Variants in FAT3 observed in about 807,000 individuals in gnomAD.
The protein encoded by FAT3 is protocadherin Fat 3.
Under a neutral mutation model 310.2 loss-of-function variants are expected in FAT3, and 95 were observed. The observed-to-expected ratio is 0.31, with a 90% CI of 0.26 to 0.36. The LOEUF is 0.36. Among genes scored for constraint, FAT3 ranks in the 10% least tolerant of loss-of-function variants. FAT3 has a pLI of 1.00. For missense variants in FAT3, 5,408 were observed against 5,715.6 expected, an observed-to-expected ratio of 0.95 and a Z score of 1.74; for synonymous variants, 2,314 against 2,192.9, an observed-to-expected ratio of 1.06 and a Z score of -1.54.
At chr11:92,594,133 G>A (rs780999611) in intron 3 of FAT3, among the ~76,000 whole-genome samples, 27 of 152,098 alleles carry the variant, frequency 1.8e-4, no homozygotes, top group Non-Finnish European at 3.2e-4. Context: ...ATCCTGTAAC[G>A]TACACTGCTG....
rs189894515 is a variant in FAT3 at position 92,514,840 on chromosome 11, A to G, written c.3293-9794A>G. Among the ~76,000 whole-genome samples, 22 of 152,316 alleles carry G rather than the reference A, an allele frequency of 1.4e-4. No homozygotes were observed. The East Asian group carries it at 3.7e-3, about 25-fold the overall frequency. ...TGTTCTGTTTTATTCTGAAATGTGA[A>G]TGGGAATATAGGTATAAATCGCTTT... is the stretch of plus-strand genomic sequence containing the variant. On this transcript the variant is annotated intron_variant, in intron 2 of 27. Transcript: ENST00000525166.
At chr11:92,451,130 C>G (rs570399538) in intron 2 of FAT3, among the ~76,000 whole-genome samples, 74 of 152,258 alleles carry the variant, frequency 4.9e-4, no homozygotes, top group South Asian at 3.1e-3. Flanking sequence ...AAGCACTTGA[C>G]TGAAAGCTGT....
chr11:92,365,861 T>C (rs1949006023), intron 2 of FAT3, among the ~76,000 whole-genome samples: 1 of 152,244 alleles, frequency 6.6e-6, no homozygotes, highest in African/African-American at 2.4e-5. Flanking sequence ...GATGACCACA[T>C]GTGGGGCTAT....
chr11:92,507,534 C>CACAT (rs754364255), intron 2 of FAT3, among the ~76,000 whole-genome samples: 1 of 151,512 alleles, frequency 6.6e-6, no homozygotes, highest in Admixed American at 6.6e-5. Context: ...TATATATACA[C>CACAT]ACATACATAT....
chr11:92,401,662 C>G (rs1950015339), intron 2 of FAT3, among the ~76,000 whole-genome samples: 1 of 152,170 alleles, frequency 6.6e-6, no homozygotes, highest in African/African-American at 2.4e-5. Flanking sequence ...TCCTCCCCTA[C>G]ACTCCACCAC....
chr11:92,597,233 A>G (rs143269843), intron 3 of FAT3, among the ~76,000 whole-genome samples: 369 of 152,336 alleles, frequency 2.4e-3, no homozygotes, highest in Admixed American at 4.1e-3. Context: ...CATCTTTTCA[A>G]AGTAAATGAG....
intron 1 of FAT3, among the ~76,000 whole-genome samples, chr11:92,260,755 T>C (rs749973289): frequency 3.3e-5 from 5 of 152,124 alleles, no homozygotes; most frequent in Admixed American, 2.0e-4. Flanking sequence ...TCTTAGGTTG[T>C]ACCTGAGGGG....
intron 12 of FAT3, among the ~76,000 whole-genome samples, chr11:92,808,753 G>A (rs1317924076): frequency 6.6e-6 from 1 of 151,890 alleles, no homozygotes; most frequent in Non-Finnish European, 1.5e-5. Context: ...GTGAAACCCC[G>A]TCTCCACTAA....
chr11:92,660,493 C>G (rs556172894), intron 3 of FAT3, among the ~76,000 whole-genome samples: 1 of 152,220 alleles, frequency 6.6e-6, no homozygotes, highest in East Asian at 1.9e-4. Flanking sequence ...AGAGGTGTGT[C>G]TGCTGAGATG....
At chr11:92,854,838 A>G (rs970883086) in intron 19 of FAT3, among the ~76,000 whole-genome samples, 4 of 152,234 alleles carry the variant, frequency 2.6e-5, no homozygotes, top group African/African-American at 9.7e-5. Context: ...TGTAATATCT[A>G]TAGCTGTATC....
At chr11:92,695,341 G>C (rs146848007) in intron 3 of FAT3, among the ~76,000 whole-genome samples, 2 of 152,024 alleles carry the variant, frequency 1.3e-5, no homozygotes, top group African/African-American at 4.8e-5. Flanking sequence ...TGTTTTTTAC[G>C]TTTCCCTGGT....
chr11:92,680,958 TA>T (rs1416413087), intron 3 of FAT3, among the ~76,000 whole-genome samples: 2 of 152,184 alleles, frequency 1.3e-5, no homozygotes, highest in African/African-American at 4.8e-5. Flanking sequence ...AAAATGGTAC[TA>T]AAAACATTCA....
rs140731673 is a variant in FAT3, at chr11:92,473,607, G to T, written c.3293-51027G>T. On this transcript the variant is annotated intron_variant, in intron 2 of 27. Transcript: ENST00000525166. The stretch of plus-strand genomic sequence containing the variant: ...ATTGGATTTTAGGACATATTCCTGT[G>T]TGAATGTTTGATAAATCTCTCCCAA... 8.5e-5 allele frequency among the ~76,000 whole-genome samples: 13 copies of T among 152,268 alleles called. No individual in the cohort carries two copies. In the East Asian group the frequency reaches 2.5e-3, roughly 29 times the overall value.
chr11:92,786,690 T>C (rs1472270442), intron 7 of FAT3, among the ~76,000 whole-genome samples: 2 of 152,140 alleles, frequency 1.3e-5, no homozygotes, highest in Non-Finnish European at 2.9e-5. Flanking sequence ...AGGGGAAATA[T>C]GGAAACATAT....
chr11:92,610,140 A>T (rs1320043647), intron 3 of FAT3, among the ~76,000 whole-genome samples: 2 of 152,188 alleles, frequency 1.3e-5, no homozygotes, highest in African/African-American at 2.4e-5. Flanking sequence ...CACTTGTAAA[A>T]GGGATTTGCT....
chr11:92,886,838 C>T lies in FAT3; in HGVS notation c.12938-162C>T, dbSNP rs76334488. The T allele has an allele frequency of 2.5e-3, 1,511 of 605,522 alleles. 20 individuals carry two copies. The African/African-American group carries it at 0.026, about 10-fold the overall frequency. 37.5% of individuals were successfully genotyped at this position (605,522 alleles called of 1,614,324 possible). A position where few individuals can be genotyped will look rare whatever the true frequency, so the allele number is the denominator to read the frequency against. ...AAATCACTTGATTGACAGAACTTTG[C>T]CCCCAGTGGCACAGTCAATTTTCTA... On this transcript the variant is annotated intron_variant, in intron 24 of 27. Coordinates refer to ENST00000525166, the MANE Select transcript of FAT3 (RefSeq NM_001367949.2).
intron 3 of FAT3, among the ~76,000 whole-genome samples, chr11:92,664,021 C>T (rs1334689535): frequency 6.6e-6 from 1 of 152,166 alleles, no homozygotes; most frequent in African/African-American, 2.4e-5. Context: ...GACCCACCCT[C>T]CCCCAAACAC....
In FAT3 at chr11:92,355,186, C is replaced by A; in HGVS notation, c.3074C>A (p.Ser1025Tyr). 6.2e-7 allele frequency: 1 copy of A among 1,613,746 alleles called. No homozygotes were observed. Among genetic ancestry groups the A allele is most frequent in the Non-Finnish European group, 8.5e-7 (1 of 1,179,842 alleles). ...CGGCCTGTCTCTCTGTCATCTGTTT[C>A]CTTTGTTGAGGTGGAAGTGGTGGAT... The part of the protein sequence containing the change: ...KGRPVSLSSV[S>Y]FVEVEVVDVN... The change falls in exon 2 of 28, where the codon TCC becomes TAC. Residue 1025 changes from serine to tyrosine, a missense_variant. Physicochemically the swap from Ser to Tyr is moderately radical, Grantham distance 144. Coordinates refer to ENST00000525166, the MANE Select transcript of FAT3 (RefSeq NM_001367949.2).
chr11:92,498,424 T>C, intron 2 of FAT3: 1 of 193,374 alleles, frequency 5.2e-6, no homozygotes, highest in East Asian at 1.3e-4. Flanking sequence ...TCTCAGGTCA[T>C]GACTTCCTTC....
Sources: allele counts gnomAD v4.1 joint callset (sites outside exome capture counted in the v4.1 genomes callset), GRCh38; gene constraint gnomAD v4.1.1; transcripts MANE v1.5; gene names NCBI Gene and HGNC (gene_info 2026-07-23, HGNC 2026-07-21).